MAGI1: variants seen among roughly 807,000 people sequenced by gnomAD.
MAGI1 encodes the protein membrane-associated guanylate kinase, WW and PDZ domain-containing protein 1.
In MAGI1, 58 loss-of-function variants were observed where a neutral mutation model predicts 139.9. The observed-to-expected ratio is 0.41, with a 90% CI of 0.34 to 0.52. The LOEUF is 0.52. Among genes scored for constraint, MAGI1 ranks in the 20% least tolerant of loss-of-function variants. The pLI is 0.12. For missense variants in MAGI1, 1,874 were observed against 1,901.6 expected, an observed-to-expected ratio of 0.99 and a Z score of 0.27; for synonymous variants, 812 against 737.9, an observed-to-expected ratio of 1.10 and a Z score of -1.63.
intron 1 of MAGI1, among the ~76,000 whole-genome samples, chr3:65,890,001 C>CTTAA (rs768763243): frequency 3.9e-5 from 6 of 152,202 alleles, no homozygotes; most frequent in Non-Finnish European, 8.8e-5. Flanking sequence ...ATCTTAATGT[C>CTTAA]TACCTCATGC....
intron 12 of MAGI1, among the ~76,000 whole-genome samples, chr3:65,422,104 G>C (rs759630278): frequency 6.6e-6 from 1 of 152,226 alleles, no homozygotes; most frequent in Non-Finnish European, 1.5e-5. Flanking sequence ...CTGCGTAACA[G>C]TACTTCCTGC....
intron 3 of MAGI1, among the ~76,000 whole-genome samples, chr3:65,479,528 TTTTTA>T (rs1459703739): frequency 1.3e-5 from 2 of 152,182 alleles, no homozygotes; most frequent in African/African-American, 2.4e-5. Context: ...CATTTTAATT[TTTTTA>T]TTTTAATAGA....
chr3:65,516,352 G>A (rs1487527241), intron 2 of MAGI1, among the ~76,000 whole-genome samples: 1 of 151,918 alleles, frequency 6.6e-6, no homozygotes, highest in African/African-American at 2.4e-5. Context: ...GCTAATTTCT[G>A]TATTTTTAGT....
intron 2 of MAGI1, among the ~76,000 whole-genome samples, chr3:65,519,057 G>A (rs1013981855): frequency 3.9e-5 from 6 of 152,256 alleles, no homozygotes; most frequent in Middle Eastern, 3.4e-3. Flanking sequence ...AGGCACAACA[G>A]GTAACACCAA....
At chr3:65,747,755 C>T (rs1254247493) in intron 1 of MAGI1, among the ~76,000 whole-genome samples, 1 of 152,130 alleles carries the variant, frequency 6.6e-6, no homozygotes, top group Non-Finnish European at 1.5e-5. Flanking sequence ...TCCATGGAGA[C>T]TCTACTTTCT....
intron 1 of MAGI1, among the ~76,000 whole-genome samples, chr3:65,773,876 T>C (rs2038161221): frequency 6.6e-6 from 1 of 152,214 alleles, no homozygotes; most frequent in Non-Finnish European, 1.5e-5. Context: ...TATCTCATTG[T>C]GTTTTCCTTT....
intron 1 of MAGI1, among the ~76,000 whole-genome samples, chr3:65,629,389 A>C (rs753447585): frequency 6.6e-5 from 10 of 152,224 alleles, no homozygotes; most frequent in Non-Finnish European, 1.3e-4. Flanking sequence ...ACTTTAATAC[A>C]GTTCAAATTT....
At chr3:65,435,600 C>CA (rs902642898) in intron 10 of MAGI1, among the ~76,000 whole-genome samples, 1 of 151,858 alleles carries the variant, frequency 6.6e-6, no homozygotes, top group Non-Finnish European at 1.5e-5. Flanking sequence ...AGTGAAAAAA[C>CA]AAAAAACAGA....
intron 1 of MAGI1, among the ~76,000 whole-genome samples, chr3:65,680,761 A>ATGATATGATG (rs1394757949): frequency 2.0e-5 from 1 of 50,420 alleles, no homozygotes; most frequent in Non-Finnish European, 4.5e-5. Context: ...TAATATAATA[A>ATGATATGATG]TGATATGATA....
At chr3:65,614,558 T>C (rs1375727840) in intron 2 of MAGI1, among the ~76,000 whole-genome samples, 1 of 152,072 alleles carries the variant, frequency 6.6e-6, no homozygotes, top group African/African-American at 2.4e-5. Flanking sequence ...CACAACTTGG[T>C]TTTTTTAAAA....
chr3:65,476,834 G>A (rs1164277826), intron 4 of MAGI1, among the ~76,000 whole-genome samples: 1 of 152,096 alleles, frequency 6.6e-6, no homozygotes, highest in Non-Finnish European at 1.5e-5. Flanking sequence ...ATTTTGGTAA[G>A]GGCCACTATA....
chr3:65,363,397 C>T (rs917679712), intron 21 of MAGI1, 68 bp downstream of exon 21: 24 of 1,504,976 alleles, frequency 1.6e-5, no homozygotes, highest in African/African-American at 4.2e-5. Flanking sequence ...AACATTCTAA[C>T]CATATATGAC....
At position 65,470,368 on chromosome 3, in the gene MAGI1, G is replaced by A. The variant is rs753482867; in HGVS notation, c.874C>T (p.Pro292Ser). 11 of 1,613,606 alleles carry A rather than the reference G, an allele frequency of 6.8e-6. No individual in the cohort carries two copies. The highest frequency in any genetic ancestry group is 9.3e-6 in the Non-Finnish European group (11 of 1,179,744). Reference sequence around the variant, plus strand: ...CCTAAATTATCCTCTGCAGAAAGAGGTAGGTATTGAGGGAACTTCTGAGAA... The same window carrying A: ...CCTAAATTATCCTCTGCAGAAAGAGATAGGTATTGAGGGAACTTCTGAGAA... ...DPSQKFPQYL[P>S]LSAEDNLGPL... is the part of the protein sequence containing the mutation. Residue 292 changes from proline to serine, a missense_variant, in exon 5 of 23, where the codon CCT becomes TCT. By Grantham distance (74) the Pro-to-Ser change is moderately conservative. Transcript: ENST00000402939.
chr3:65,444,945 T>C (rs1362259360), intron 7 of MAGI1, among the ~76,000 whole-genome samples: 1 of 152,214 alleles, frequency 6.6e-6, no homozygotes, highest in Non-Finnish European at 1.5e-5. Context: ...AAATGGGTCA[T>C]CGATTTTAAA....
At chr3:65,473,467 C>T (rs1314109861) in intron 4 of MAGI1, among the ~76,000 whole-genome samples, 1 of 151,924 alleles carries the variant, frequency 6.6e-6, no homozygotes, top group Non-Finnish European at 1.5e-5. Flanking sequence ...TCGGTGACAG[C>T]CTTTTCAATT....
rs577009296 is a variant in MAGI1, at chr3:65,994,998, T to G, written c.313+42998A>C. Among the ~76,000 whole-genome samples the G allele has an allele frequency of 3.3e-5, 5 of 152,210 alleles. No individual in the cohort carries two copies. In the East Asian group the frequency reaches 9.7e-4, roughly 29 times the overall value. On this transcript the variant is annotated intron_variant, in intron 1 of 22. Transcript: ENST00000402939. Reference sequence around the variant, plus strand: ...TTAACCATGGGAAAGAAACAAAGGGTTAAGTGGTCAGGTGCTAAACCTGAG... The same window carrying G: ...TTAACCATGGGAAAGAAACAAAGGGGTAAGTGGTCAGGTGCTAAACCTGAG...
chr3:66,019,582 T>C (rs919883424), intron 1 of MAGI1, among the ~76,000 whole-genome samples: 8 of 152,188 alleles, frequency 5.3e-5, no homozygotes, highest in African/African-American at 1.9e-4. Flanking sequence ...ATCACTAAAA[T>C]GGGTTAAATT....
intron 2 of MAGI1, among the ~76,000 whole-genome samples, chr3:65,510,237 C>A (rs1323994431): frequency 6.6e-6 from 1 of 152,190 alleles, no homozygotes; most frequent in Non-Finnish European, 1.5e-5. Context: ...AACTGTAAAA[C>A]GCAGAGCGCC....
At chr3:65,575,220 G>C (rs2081130075) in intron 2 of MAGI1, among the ~76,000 whole-genome samples, 2 of 151,946 alleles carry the variant, frequency 1.3e-5, no homozygotes, top group Non-Finnish European at 1.5e-5. Context: ...CAACTAAAAA[G>C]AGAGTAAAAT....
Sources: allele counts gnomAD v4.1 joint callset (sites outside exome capture counted in the v4.1 genomes callset), GRCh38; gene constraint gnomAD v4.1.1; transcripts MANE v1.5; gene names NCBI Gene and HGNC (gene_info 2026-07-23, HGNC 2026-07-21).